Variants in SSH2 observed in about 807,000 individuals in gnomAD.
SSH2 encodes protein phosphatase Slingshot homolog 2.
A neutral mutation model predicts 135.2 loss-of-function variants in SSH2; 37 were observed. The ratio of observed to expected loss-of-function variants is 0.27; its 90% confidence interval spans 0.21 to 0.36. The LOEUF (loss-of-function observed/expected upper bound fraction) is 0.36. Among genes scored for constraint, SSH2 ranks in the 10% least tolerant of loss-of-function variants. The pLI, the probability that SSH2 is intolerant of heterozygous loss-of-function variation, is 1.00. For missense variants in SSH2, 1,408 were observed against 1,765.3 expected (o/e 0.80, Z 3.63); for synonymous variants, 628 against 646.2 (o/e 0.97, Z 0.43).
intron 5 of SSH2, 104 bp from the exon 6 acceptor site, chr17:29,684,788 G>A: frequency 9.5e-7 from 1 of 1,054,758 alleles, no homozygotes; most frequent in Non-Finnish European, 1.4e-6. Flanking sequence ...CACGAAGGCA[G>A]CAGAGCCAGT....
intron 3 of SSH2, among the ~76,000 whole-genome samples, chr17:29,730,438 CTTTT>C (rs113317053): frequency 1.4e-5 from 2 of 138,508 alleles, no homozygotes; most frequent in Non-Finnish European, 1.6e-5. Context: ...TTGACTTTTT[CTTTT>C]TTTTTTTTTT....
rs1470914291 is a variant in SSH2, at chr17:29,676,851, T to G, written c.583A>C (p.Ile195Leu). Residue 195 changes from isoleucine to leucine, a missense_variant, in exon 8 of 16, where the codon ATA becomes CTA. By Grantham distance (5) the Ile-to-Leu change is conservative. Coordinates refer to ENST00000540801, the MANE Select transcript of SSH2 (RefSeq NM_001282129.2). ...GCCTGCACAGATACAGGTTTGAATA[T>G]GTGAACTCTGTTATCCGTCGATACA... The part of the protein sequence containing the change: ...FSVSTDNRVH[I>L]FKPVSVQAMW... 6.2e-7 allele frequency: 1 copy of G among 1,614,010 alleles called. No homozygotes were observed. The highest frequency in any genetic ancestry group is 8.5e-7 in the Non-Finnish European group (1 of 1,179,936).
At chr17:29,927,013 T>C (rs2067080473) in intron 1 of SSH2, among the ~76,000 whole-genome samples, 1 of 152,206 alleles carries the variant, frequency 6.6e-6, no homozygotes. Context: ...ACTGCGCATA[T>C]TCCTTAATAA....
At chr17:29,829,949 C>A (rs1321711334) in intron 2 of SSH2, among the ~76,000 whole-genome samples, 1 of 151,412 alleles carries the variant, frequency 6.6e-6, no homozygotes, top group Non-Finnish European at 1.5e-5. Context: ...ATGCCATTCT[C>A]CTGCCTCAGC....
At chr17:29,690,882 C>T (rs913750009) in intron 5 of SSH2, among the ~76,000 whole-genome samples, 23 of 151,720 alleles carry the variant, frequency 1.5e-4, no homozygotes, top group Admixed American at 1.1e-3. Flanking sequence ...ATCACATTTT[C>T]GTAGAAACAA....
intron 9 of SSH2, among the ~76,000 whole-genome samples, chr17:29,667,856 A>G (rs1464603897): frequency 6.6e-6 from 1 of 152,202 alleles, no homozygotes; most frequent in Non-Finnish European, 1.5e-5. Context: ...CTAATGCTCT[A>G]CCTGAAGGAT....
intron 1 of SSH2, among the ~76,000 whole-genome samples, chr17:29,870,250 T>A (rs1473655705): frequency 6.8e-6 from 1 of 147,578 alleles, no homozygotes; most frequent in Admixed American, 6.9e-5. Flanking sequence ...GATGTACTAA[T>A]ATGGAAATAT....
At chr17:29,726,142 G>A (rs1168314362) in intron 3 of SSH2, among the ~76,000 whole-genome samples, 4 of 152,158 alleles carry the variant, frequency 2.6e-5, no homozygotes, top group Admixed American at 2.6e-4. Flanking sequence ...CCAGAAGAGA[G>A]GGGAGGCAGA....
At chr17:29,809,883 G>A (rs2042412075) in intron 2 of SSH2, among the ~76,000 whole-genome samples, 1 of 151,990 alleles carries the variant, frequency 6.6e-6, no homozygotes, top group African/African-American at 2.4e-5. Context: ...TTGGAACTTA[G>A]GTGTCCCTTT....
At chr17:29,785,491 A>ATTTTTTT (rs34346245) in intron 3 of SSH2, among the ~76,000 whole-genome samples, 18 of 78,492 alleles carry the variant, frequency 2.3e-4, no homozygotes, top group African/African-American at 6.3e-4. Context: ...TTGGCGTTTC[A>ATTTTTTT]TTTTTTTTTT....
rs1336509524 is a variant in SSH2, at chr17:29,748,703, A to AG, written c.188+45190_188+45191insC. 2.6e-5 allele frequency among the ~76,000 whole-genome samples: 4 copies of AG among 152,296 alleles called. No homozygotes were observed. In the East Asian group the frequency reaches 7.7e-4, roughly 29 times the overall value. ...ATTTAAAAATGTGAGTGGTAAAAAA[A>AG]ATTCATAAAATAAAAAATACTTGGA... On this transcript the variant is annotated intron_variant, in intron 3 of 15. Coordinates refer to ENST00000540801, the MANE Select transcript of SSH2 (RefSeq NM_001282129.2).
chr17:29,784,238 G>C (rs1156714826), intron 3 of SSH2, among the ~76,000 whole-genome samples: 1 of 150,736 alleles, frequency 6.6e-6, no homozygotes, highest in African/African-American at 2.4e-5. Context: ...AATAAAAATA[G>C]GCTGGGCGTG....
At chr17:29,833,925 TTCCCTCCC>T (rs1205777765) in intron 2 of SSH2, among the ~76,000 whole-genome samples, 1 of 110,426 alleles carries the variant, frequency 9.1e-6, no homozygotes, top group Non-Finnish European at 1.9e-5. Context: ...CCCTGCCTCC[TTCCCTCCC>T]TCCCTCCCTG....
At chr17:29,877,768 CA>C (rs200656149) in intron 1 of SSH2, among the ~76,000 whole-genome samples, 15,014 of 143,230 alleles carry the variant, frequency 0.1, 1,668 homozygotes, top group African/African-American at 0.3. Flanking sequence ...TAATGGGTAC[CA>C]AAAAAAAAAA....
chr17:29,701,727 C>T (rs920159584), intron 4 of SSH2, among the ~76,000 whole-genome samples: 7 of 151,562 alleles, frequency 4.6e-5, no homozygotes, highest in Non-Finnish European at 8.8e-5. Flanking sequence ...TGTACCACTA[C>T]GCCCAGCTAA....
chr17:29,644,364 G>C (rs1055106396), intron 14 of SSH2, among the ~76,000 whole-genome samples: 1 of 152,230 alleles, frequency 6.6e-6, no homozygotes, highest in African/African-American at 2.4e-5. Flanking sequence ...GCTTGCCTCT[G>C]AAAGTGCCTT....
chr17:29,646,776 G>A (rs555159635), intron 14 of SSH2, among the ~76,000 whole-genome samples: 2 of 152,032 alleles, frequency 1.3e-5, no homozygotes, highest in Non-Finnish European at 2.9e-5. Flanking sequence ...GGGATTATAG[G>A]TGTGAGCCAC....
intron 3 of SSH2, among the ~76,000 whole-genome samples, chr17:29,738,970 T>C (rs1301553324): frequency 2.6e-5 from 4 of 152,208 alleles, no homozygotes; most frequent in Non-Finnish European, 4.4e-5. Flanking sequence ...AAAACTATAA[T>C]GTGGTATACA....
At chr17:29,707,250 T>C (rs1022975114) in intron 3 of SSH2, among the ~76,000 whole-genome samples, 12 of 152,180 alleles carry the variant, frequency 7.9e-5, no homozygotes, top group Non-Finnish European at 1.8e-4. Flanking sequence ...TGTAAGTACA[T>C]TCTTGCTTTA....
Sources: allele counts gnomAD v4.1 joint callset (sites outside exome capture counted in the v4.1 genomes callset), GRCh38; gene constraint gnomAD v4.1.1; transcripts MANE v1.5; gene names NCBI Gene and HGNC (gene_info 2026-07-23, HGNC 2026-07-21).